The following PRKN variants were observed in gnomAD, a reference collection of about 807,000 sequenced individuals.
PRKN encodes the protein E3 ubiquitin-protein ligase parkin.
A neutral mutation model predicts 59.5 loss-of-function variants in PRKN; 56 were observed. The ratio of observed to expected loss-of-function variants is 0.94; its 90% CI spans 0.76 to 1.18. The LOEUF (loss-of-function observed/expected upper bound fraction) is 1.18. Among genes scored for constraint, PRKN ranks in the 50% most tolerant of loss-of-function variants. The probability of loss-of-function intolerance (pLI) is 0.00; values close to 1 mark genes in which losing one functional copy is unlikely to be tolerated. For synonymous variants in PRKN, 250 were observed against 222.1 expected, an observed-to-expected ratio of 1.13 and a Z score of -1.12; for missense variants, 657 against 596.4, an observed-to-expected ratio of 1.10 and a Z score of -1.06.
intron 4 of PRKN, among the ~76,000 whole-genome samples, chr6:162,200,133 G>A (rs886631525): frequency 2.0e-5 from 3 of 152,032 alleles, no homozygotes; most frequent in African/African-American, 7.3e-5. Flanking sequence ...CTGGTGCCTG[G>A]GGTATTTACC....
intron 5 of PRKN, among the ~76,000 whole-genome samples, chr6:162,005,665 C>T (rs1782222403): frequency 6.6e-6 from 1 of 152,138 alleles, no homozygotes; most frequent in African/African-American, 2.4e-5. Flanking sequence ...AAAAAGCCTT[C>T]ATTCATGATA....
At chr6:162,556,388 T>C (rs1181501424) in intron 1 of PRKN, among the ~76,000 whole-genome samples, 2 of 122,488 alleles carry the variant, frequency 1.6e-5, no homozygotes. Flanking sequence ...TGTGTGTGTG[T>C]GTGTGTGTGT....
intron 2 of PRKN, among the ~76,000 whole-genome samples, chr6:162,397,231 C>A (rs1340260395): frequency 6.6e-6 from 1 of 152,090 alleles, no homozygotes; most frequent in African/African-American, 2.4e-5. Context: ...ATTCTGTGAA[C>A]TCTCTTCATT....
At position 161,518,132 on chromosome 6, in the gene PRKN, G is replaced by A. The variant is rs1411115948; in HGVS notation, c.1083+30722C>T. Among the ~76,000 whole-genome samples the A allele has an allele frequency of 6.6e-6, 1 of 152,182 alleles. No homozygotes were observed. The highest frequency in any genetic ancestry group is 2.4e-5 in the African/African-American group (1 of 41,448). ...AGATGAAGGCCACTGGCCTGGGGATGGGGCCGGGGGCACTCACTGCCTCCC... is the reference window on the plus strand; with the variant it reads ...AGATGAAGGCCACTGGCCTGGGGATAGGGCCGGGGGCACTCACTGCCTCCC... On this transcript the variant is annotated intron_variant, in intron 9 of 11. Transcript: ENST00000366898. The surrounding 1 kb of genome is among the most constrained non-coding windows in gnomAD (Gnocchi z 5.0).
chr6:161,368,381 T>TTATATATATATATATA (rs1562399363), intron 10 of PRKN, among the ~76,000 whole-genome samples: 1 of 70,808 alleles, frequency 1.4e-5, no homozygotes, highest in South Asian at 4.2e-4. Flanking sequence ...ACCTCAGTCT[T>TTATATATATATATATA]GATATATATA....
chr6:161,733,959 TACACACACACACAC>T lies in PRKN; in HGVS notation c.871+51799_871+51812del, dbSNP rs10597403. On this transcript the variant is annotated intron_variant, in intron 7 of 11. Coordinates refer to ENST00000366898, the MANE Select transcript of PRKN (RefSeq NM_004562.3). ...ACCTCTCTTTTATTGAAAATTCATT[TACACACACACACAC>T]ACACACACACACACACACACACACA... Among the ~76,000 whole-genome samples, 1,002 of 133,632 alleles carry T rather than the reference TACACACACACACAC, an allele frequency of 7.5e-3. 16 individuals are homozygous for T. Among genetic ancestry groups the T allele is most frequent in the African/African-American group, 0.025 (854 of 33,622 alleles). 87.7% of individuals were successfully genotyped at this position (133,632 alleles called of 152,430 possible).
At chr6:162,234,015 A>G (rs1488240962) in intron 3 of PRKN, among the ~76,000 whole-genome samples, 3 of 152,216 alleles carry the variant, frequency 2.0e-5, no homozygotes, top group Non-Finnish European at 4.4e-5. Flanking sequence ...TAAGACATAT[A>G]CTGAAGAGTT....
At chr6:162,276,252 G>T (rs928020935) in intron 2 of PRKN, among the ~76,000 whole-genome samples, 1 of 152,044 alleles carries the variant, frequency 6.6e-6, no homozygotes, top group African/African-American at 2.4e-5. Context: ...TCAAAATCGT[G>T]AAAATGAAAT....
chr6:162,010,376 TAA>T (rs1359685927), intron 5 of PRKN, among the ~76,000 whole-genome samples: 2 of 104,598 alleles, frequency 1.9e-5, no homozygotes, highest in Non-Finnish European at 3.6e-5. Context: ...TATACATTTA[TAA>T]TATATAATAT....
chr6:162,448,062 A>T (rs940686204), intron 1 of PRKN, among the ~76,000 whole-genome samples: 10 of 152,192 alleles, frequency 6.6e-5, no homozygotes, highest in African/African-American at 2.4e-4. Flanking sequence ...ATAGACCATT[A>T]ACATGAGCAC....
chr6:162,062,790 G>A (rs927679241), intron 4 of PRKN, among the ~76,000 whole-genome samples: 7 of 152,188 alleles, frequency 4.6e-5, no homozygotes, highest in Non-Finnish European at 8.8e-5. Flanking sequence ...AGAGGGTATG[G>A]AAATGTTCTT....
rs561913451 is a variant in PRKN, at chr6:161,428,476, C to G, written c.1084-41599G>C. Among the ~76,000 whole-genome samples, 3 of 152,254 alleles carry G rather than the reference C, an allele frequency of 2.0e-5. No individual in the cohort carries two copies. The South Asian group carries it at 6.2e-4, about 32-fold the overall frequency. ...GACAGGCGGCTGCTCCGTCCATCTT[C>G]GAACCTGGCTGGCATCGCAGATGCC... On this transcript the variant is annotated intron_variant, in intron 9 of 11. Transcript: ENST00000366898. The surrounding 1 kb of genome is among the most constrained non-coding windows in gnomAD (Gnocchi z 4.0).
intron 3 of PRKN, among the ~76,000 whole-genome samples, chr6:162,233,782 G>A (rs1778523442): frequency 6.6e-6 from 1 of 152,144 alleles, no homozygotes; most frequent in Admixed American, 6.5e-5. Flanking sequence ...CATCGCAGAG[G>A]GGACACCCTG....
chr6:162,636,777 G>A (rs1226928239), intron 1 of PRKN, among the ~76,000 whole-genome samples: 1 of 152,116 alleles, frequency 6.6e-6, no homozygotes, highest in African/African-American at 2.4e-5. Context: ...TTGAGTCCAG[G>A]AGTTCAAGAC....
At chr6:162,430,512 A>C (rs568892333) in intron 2 of PRKN, among the ~76,000 whole-genome samples, 17 of 152,150 alleles carry the variant, frequency 1.1e-4, no homozygotes, top group Non-Finnish European at 1.9e-4. Context: ...ATGGGTGCCC[A>C]ATAAAAGACC....
chr6:162,122,611 A>T (rs1322834712), intron 4 of PRKN, among the ~76,000 whole-genome samples: 1 of 152,108 alleles, frequency 6.6e-6, no homozygotes, highest in Non-Finnish European at 1.5e-5. Context: ...CATATTATCA[A>T]GTCTCCCAGA....
chr6:161,753,148 C>A (rs2128195389), intron 7 of PRKN, among the ~76,000 whole-genome samples: 1 of 152,218 alleles, frequency 6.6e-6, no homozygotes, highest in South Asian at 2.1e-4. Context: ...GGAGATAAGA[C>A]ATAAATTTAG....
At chr6:162,113,165 T>C (rs1780515231) in intron 4 of PRKN, among the ~76,000 whole-genome samples, 1 of 152,200 alleles carries the variant, frequency 6.6e-6, no homozygotes, top group Admixed American at 6.5e-5. Flanking sequence ...ATCATTTCTA[T>C]GTATTAAGCC....
intron 2 of PRKN, among the ~76,000 whole-genome samples, chr6:162,374,825 T>C (rs1385784134): frequency 3.3e-5 from 5 of 152,100 alleles, no homozygotes; most frequent in African/African-American, 7.2e-5. Flanking sequence ...TATTAAGAGT[T>C]TGAAATATGG....
Sources: allele counts gnomAD v4.1 joint callset (sites outside exome capture counted in the v4.1 genomes callset), GRCh38; gene constraint gnomAD v4.1.1; non-coding constraint Gnocchi (gnomAD v3.1); transcripts MANE v1.5; gene names NCBI Gene and HGNC (gene_info 2026-07-23, HGNC 2026-07-21).